The following ZNF550 variants were observed in gnomAD, a reference collection of about 807,000 sequenced individuals.
The protein encoded by ZNF550 is zinc finger protein 550.
Under a neutral mutation model 40.2 loss-of-function variants are expected in ZNF550, and 42 were observed. The ratio of observed to expected loss-of-function variants is 1.05; its 90% CI spans 0.82 to 1.35. ZNF550 has a LOEUF of 1.35. Among genes scored for constraint, ZNF550 ranks in the 40% most tolerant of loss-of-function variants. ZNF550 has a pLI of 0.00. For missense variants in ZNF550, 549 were observed against 525.2 expected (o/e 1.05, Z -0.44); for synonymous variants, 223 against 198.6 (o/e 1.12, Z -1.03).
rs199808090 is a variant in ZNF550 at position 57,547,494 on chromosome 19, G to T, written c.750C>A (p.Tyr250Ter). 6.2e-7 allele frequency: 1 copy of T among 1,613,948 alleles called. No individual in the cohort carries two copies. ...ATGGTTTCTCCCCGGTGTGGATGAG[G>T]TAGTGCCGAATGAGAGTTGAGCTCT... Residue 250 changes from tyrosine (Y) to a stop codon, truncating the protein, a stop_gained, in exon 4 of 5, where the codon TAC becomes TAA. Transcript: ENST00000457177. LOFTEE classifies it high-confidence loss of function.
chr19:57,556,137 C>A, intron 2 of ZNF550, 94 bp downstream of exon 2: 10 of 1,530,590 alleles, frequency 6.5e-6, no homozygotes, highest in Non-Finnish European at 9.0e-6. Flanking sequence ...ACAGAAAGGT[C>A]TGTCAAGAGA....
chr19:57,543,997 G>A (rs2089985810), intron 4 of ZNF550: 1 of 985,312 alleles, frequency 1.0e-6, no homozygotes, highest in Non-Finnish European at 1.2e-6. Context: ...ACATACAGAA[G>A]TTCACAACTT....
chr19:57,556,685 T>G, intron 1 of ZNF550: 1 of 223,152 alleles, frequency 4.5e-6, no homozygotes, highest in Non-Finnish European at 8.9e-6. Flanking sequence ...CCAACCACAA[T>G]AACAGCAACA....
At chr19:57,552,253 C>G (rs1178754327) in intron 3 of ZNF550, 1 of 402,944 alleles carries the variant, frequency 2.5e-6, no homozygotes. Context: ...GGGCACATAG[C>G]CAAATCACAT....
exon 4 of ZNF550, chr19:57,546,766 A>C: frequency 7.4e-7 from 1 of 1,349,340 alleles, no homozygotes; most frequent in South Asian, 2.1e-5. Context: ...TGGTGACTGA[A>C]GGGATCCTTA....
In ZNF550 at chr19:57,559,842, C is replaced by T; in HGVS notation, c.-160G>A. ...CAACACGCCCCACCACAAACGTCCACGCCAGCGAGGCCGGAAGTCCCGCCC... is the reference window on the plus strand; with the variant it reads ...CAACACGCCCCACCACAAACGTCCATGCCAGCGAGGCCGGAAGTCCCGCCC... On this transcript the variant is annotated 5_prime_UTR_variant, in exon 1 of 5. The change creates a new upstream start codon in the 5' untranslated region. Transcript: ENST00000457177. 2 of 574,168 alleles carry T rather than the reference C, an allele frequency of 3.5e-6. No individual in the cohort carries two copies. The allele number at this position is 574,168 out of a possible 1,614,324, so 35.6% of individuals were successfully genotyped here.
chr19:57,549,658 G>T (rs1416505277), intron 3 of ZNF550, among the ~76,000 whole-genome samples: 1 of 152,120 alleles, frequency 6.6e-6, no homozygotes, highest in Admixed American at 6.5e-5. Flanking sequence ...AAAATGGGTA[G>T]ATTCACCCTT....
At chr19:57,543,913 G>A (rs1177025221) in intron 4 of ZNF550, 17 of 955,246 alleles carry the variant, frequency 1.8e-5, no homozygotes, top group Non-Finnish European at 2.1e-5. Flanking sequence ...ACTCCAGCCT[G>A]GGCAACAAGA....
exon 4 of ZNF550, chr19:57,546,810 T>G: frequency 2.1e-6 from 3 of 1,400,072 alleles, no homozygotes; most frequent in Non-Finnish European, 2.8e-6. Context: ...CTCTCCAAAG[T>G]GACTGCTCAT....
Position 57,556,406 on chromosome 19 carries a change from G to A in ZNF550, c.28-49C>T, listed in dbSNP as rs755794292. 27 of 1,576,018 alleles carry A rather than the reference G, an allele frequency of 1.7e-5. No homozygotes were observed. The South Asian group carries it at 3.2e-4, about 19-fold the overall frequency. On this transcript the variant is annotated intron_variant, in intron 1 of 4. Transcript: ENST00000457177. ...GCTATTGGCCTTGTGTTGTCGCATA[G>A]GATCAGAACCTGTCACTCAGTCTCT...
At chr19:57,560,376 G>A (rs942637416), upstream of ZNF550, among the ~76,000 whole-genome samples, 5 of 152,180 alleles carry the variant, frequency 3.3e-5, no homozygotes, top group African/African-American at 1.2e-4. Flanking sequence ...TGTTGCCCAG[G>A]GCTCAGGAAG....
exon 4 of ZNF550, chr19:57,547,079 G>A (rs200419118): frequency 6.8e-6 from 11 of 1,613,774 alleles, no homozygotes; most frequent in South Asian, 1.1e-5. Context: ...ATGACAGAGT[G>A]CTGAATGAGG....
chr19:57,547,861 T>A, exon 4 of ZNF550: 1 of 1,614,012 alleles, frequency 6.2e-7, no homozygotes, highest in Non-Finnish European at 8.5e-7. Context: ...CCCTTCCTCA[T>A]CCCTAGCTCT....
At chr19:57,548,031 T>C (rs891135637) in intron 3 of ZNF550, 38 bp from the exon 4 acceptor site, 2 of 1,554,292 alleles carry the variant, frequency 1.3e-6, no homozygotes, top group Non-Finnish European at 1.7e-6. Flanking sequence ...GGTCTTTTAG[T>C]GATAAAATAT....
chr19:57,542,106 A>G (rs2089965004), exon 5 of ZNF550: 1 of 152,102 alleles, frequency 6.6e-6, no homozygotes, highest in Non-Finnish European at 1.5e-5. Context: ...ACAAAAGGCA[A>G]TGAAAGGATA....
chr19:57,553,040 G>A (rs1487594519), intron 2 of ZNF550: 1 of 224,398 alleles, frequency 4.5e-6, no homozygotes, highest in Non-Finnish European at 8.7e-6. Context: ...AAAACAGAGA[G>A]AGATCTCTCC....
chr19:57,553,562 C>T (rs765424649), intron 2 of ZNF550: 1 of 152,184 alleles, frequency 6.6e-6, no homozygotes, highest in Non-Finnish European at 1.5e-5. Flanking sequence ...GGATTACAGG[C>T]ATGCAAAACC....
rs889327376 is a variant in ZNF550, at chr19:57,543,894, C to T, written c.*519-651G>A. 11 of 858,764 alleles carry T rather than the reference C, an allele frequency of 1.3e-5. No individual in the cohort carries two copies. The South Asian group carries it at 3.2e-4, about 25-fold the overall frequency. 53.2% of individuals were successfully genotyped at this position (858,764 alleles called of 1,614,324 possible). On this transcript the variant is annotated intron_variant, in intron 4 of 4. Coordinates refer to ENST00000457177, the Ensembl canonical transcript of ZNF550. ...CAGAAGTTGCAGTGAGCTGAGATGG[C>T]GCCACTGCACTCCAGCCTGGGCAAC...
chr19:57,542,682 C>A (rs372948374), exon 5 of ZNF550: 21 of 151,896 alleles, frequency 1.4e-4, no homozygotes, highest in Non-Finnish European at 2.5e-4. Flanking sequence ...AGAAAAAAAA[C>A]CAAAACAACC....
Sources: gnomAD v4.1 joint callset for allele counts (sites outside exome capture counted in the v4.1 genomes callset) on GRCh38, gnomAD v4.1.1 for gene constraint, MANE v1.5 for transcripts, NCBI Gene and HGNC (gene_info 2026-07-23, HGNC 2026-07-21) for gene names.